The following NETO1 variants were observed in gnomAD, a reference collection of about 807,000 sequenced individuals.
The protein encoded by NETO1 is neuropilin and tolloid like 1.
NETO1 carries 26 observed loss-of-function variants against 61.3 expected under a neutral mutation model. The observed-to-expected ratio is 0.42, with a 90% CI of 0.31 to 0.59. The LOEUF (loss-of-function observed/expected upper bound fraction) is 0.59. Ranked by LOEUF, NETO1 falls within the 20% of genes least tolerant of loss-of-function variation. The probability of loss-of-function intolerance (pLI) is 0.12; values close to 1 mark genes in which losing one functional copy is unlikely to be tolerated. For synonymous variants in NETO1, 225 were observed against 225.8 expected (o/e 1.00, Z 0.03); for missense variants, 531 against 662.8 (o/e 0.80, Z 2.18).
chr18:72,867,094 C>T, intron 1 of NETO1, 170 bp downstream of exon 1: 1 of 504,966 alleles, frequency 2.0e-6, no homozygotes. Context: ...CGCCCCCACG[C>T]CCGGTTCCAC....
At chr18:72,856,433 T>C (rs964178599) in intron 4 of NETO1, among the ~76,000 whole-genome samples, 1 of 152,238 alleles carries the variant, frequency 6.6e-6, no homozygotes, top group African/African-American at 2.4e-5. Flanking sequence ...GTACCAAGCA[T>C]GCTTTGTTTT....
At chr18:72,793,145 T>G (rs2072185687) in intron 6 of NETO1, among the ~76,000 whole-genome samples, 1 of 152,106 alleles carries the variant, frequency 6.6e-6, no homozygotes. Context: ...GCTGGCAGAG[T>G]GCTTGCGACT....
At chr18:72,863,611 AC>A (rs1405072929) in intron 3 of NETO1, among the ~76,000 whole-genome samples, 2 of 152,172 alleles carry the variant, frequency 1.3e-5, no homozygotes, top group African/African-American at 4.8e-5. Context: ...TGAAAATTCA[AC>A]TTCAAGTAGT....
intron 4 of NETO1, among the ~76,000 whole-genome samples, chr18:72,840,394 T>C (rs2073892502): frequency 1.3e-5 from 2 of 152,178 alleles, no homozygotes; most frequent in South Asian, 4.1e-4. Context: ...GAAGCTATCA[T>C]CCACATGATC....
At chr18:72,827,535 C>T (rs2073420696) in intron 4 of NETO1, among the ~76,000 whole-genome samples, 1 of 152,016 alleles carries the variant, frequency 6.6e-6, no homozygotes, top group Non-Finnish European at 1.5e-5. Context: ...GGAAACATGG[C>T]AAAACCTCCT....
At chr18:72,803,063 G>C (rs1175719156) in intron 4 of NETO1, among the ~76,000 whole-genome samples, 1 of 152,110 alleles carries the variant, frequency 6.6e-6, no homozygotes, top group East Asian at 1.9e-4. Context: ...TTTAGATTTG[G>C]ATGTTTGGCA....
intron 7 of NETO1, among the ~76,000 whole-genome samples, chr18:72,768,492 A>T (rs1374456952): frequency 6.6e-6 from 1 of 152,204 alleles, no homozygotes; most frequent in East Asian, 1.9e-4. Context: ...TCAAATAAAT[A>T]ATGGCTCTCC....
At chr18:72,853,442 T>G (rs1302676585) in intron 4 of NETO1, 3 of 148,692 alleles carry the variant, frequency 2.0e-5, no homozygotes, top group African/African-American at 7.8e-5. Flanking sequence ...AATCTTTTAT[T>G]TTTATGTGGA....
intron 7 of NETO1, among the ~76,000 whole-genome samples, chr18:72,757,758 A>G (rs1215610102): frequency 6.6e-6 from 1 of 152,174 alleles, no homozygotes; most frequent in East Asian, 1.9e-4. Flanking sequence ...GTAAGCAACT[A>G]AATTTGAATT....
chr18:72,807,109 G>A (rs534181886), intron 4 of NETO1, among the ~76,000 whole-genome samples: 37 of 152,182 alleles, frequency 2.4e-4, no homozygotes, highest in Non-Finnish European at 2.4e-4. Context: ...TAATTCACTC[G>A]TCTAGAAGCA....
At chr18:72,766,723 T>C (rs9789115) in intron 7 of NETO1, among the ~76,000 whole-genome samples, 45,469 of 152,110 alleles carry the variant, frequency 0.3, 8,003 homozygotes, top group South Asian at 0.41. Context: ...ATATTCTTAC[T>C]GTTCTGAGAG....
intron 4 of NETO1, among the ~76,000 whole-genome samples, chr18:72,838,037 A>G (rs1568244582): frequency 6.6e-6 from 1 of 151,788 alleles, no homozygotes. Flanking sequence ...GTATCTCTAC[A>G]ATAGCCACAC....
chr18:72,789,285 A>C (rs190349673), intron 6 of NETO1, among the ~76,000 whole-genome samples: 26 of 152,132 alleles, frequency 1.7e-4, no homozygotes, highest in African/African-American at 5.8e-4. Flanking sequence ...AACAATAAAA[A>C]ATAATTTTCT....
intron 4 of NETO1, among the ~76,000 whole-genome samples, chr18:72,821,234 T>TAAAA (rs10672110): frequency 0.023 from 1,809 of 80,128 alleles, 86 homozygotes; most frequent in African/African-American, 0.067. Flanking sequence ...TCATATTAAC[T>TAAAA]AAAAAAAAAA....
chr18:72,833,833 TA>T (rs955907380), intron 4 of NETO1, among the ~76,000 whole-genome samples: 15 of 152,214 alleles, frequency 9.9e-5, no homozygotes, highest in African/African-American at 3.6e-4. Flanking sequence ...CTGAAGACTC[TA>T]AACGTCCCTG....
rs376428857 is a variant in NETO1, at chr18:72,859,118, C to A, written c.221-44G>T. 4.0e-5 allele frequency: 61 copies of A among 1,520,734 alleles called. No homozygotes were observed. In the African/African-American group the frequency reaches 8.3e-4, roughly 21 times the overall value. The allele number at this position is 1,520,734 out of a possible 1,614,324, so 94.2% of individuals were successfully genotyped here. ...GTGTCTAGGAGGTCATTTCTTACAT[C>A]TTCAGGTTGATGTTTTCTGATTCTA... On this transcript the variant is annotated intron_variant, in intron 3 of 10. Transcript: ENST00000327305.
chr18:72,775,574 G>A (rs1458629559), intron 7 of NETO1, among the ~76,000 whole-genome samples: 22 of 152,206 alleles, frequency 1.4e-4, no homozygotes, highest in Admixed American at 1.4e-3. Flanking sequence ...ATAAAATGCA[G>A]TGGATAGGAC....
intron 7 of NETO1, among the ~76,000 whole-genome samples, chr18:72,758,029 AATT>A (rs2070842448): frequency 6.8e-6 from 1 of 147,844 alleles, no homozygotes; most frequent in Non-Finnish European, 1.5e-5. Context: ...GAGTTGGAAA[AATT>A]ATTATAATTA....
chr18:72,784,357 A>G (rs201544880), intron 6 of NETO1, among the ~76,000 whole-genome samples: 34 of 66,242 alleles, frequency 5.1e-4, no homozygotes, highest in African/African-American at 2.1e-3. Flanking sequence ...ATACTGAAAG[A>G]CAGTCTCTCT....
Sources: gnomAD v4.1 joint callset for allele counts (sites outside exome capture counted in the v4.1 genomes callset) on GRCh38, gnomAD v4.1.1 for gene constraint, MANE v1.5 for transcripts, NCBI Gene and HGNC (gene_info 2026-07-23, HGNC 2026-07-21) for gene names.